TOM1: variants seen among roughly 807,000 people sequenced by gnomAD.
TOM1 encodes the protein target of myb1 membrane trafficking protein, also known as target of Myb protein 1.
TOM1 carries 38 observed loss-of-function variants against 61.3 expected under a neutral mutation model. That is an observed-to-expected ratio of 0.62 (90% CI 0.48 to 0.81). TOM1 has a LOEUF of 0.81. Ranked by LOEUF, TOM1 falls within the 40% of genes least tolerant of loss-of-function variation. TOM1 has a pLI of 0.00. For synonymous variants in TOM1, 270 were observed against 268.8 expected, an observed-to-expected ratio of 1.00 and a Z score of -0.04; for missense variants, 591 against 659.6, an observed-to-expected ratio of 0.90 and a Z score of 1.14.
intron 12 of TOM1, among the ~76,000 whole-genome samples, chr22:35,343,571 CCTA>C (rs1195733168): frequency 1.5e-5 from 2 of 137,256 alleles, no homozygotes; most frequent in Non-Finnish European, 3.1e-5. Context: ...ACACACCACA[CCTA>C]CACTCATACA....
At chr22:35,301,433 A>G (rs946875436) in intron 1 of TOM1, among the ~76,000 whole-genome samples, 1 of 152,174 alleles carries the variant, frequency 6.6e-6, no homozygotes, top group Non-Finnish European at 1.5e-5. Context: ...CACCAACACC[A>G]TGAGAACCGA....
intron 7 of TOM1, among the ~76,000 whole-genome samples, chr22:35,328,139 T>G (rs938398518): frequency 6.6e-6 from 1 of 152,192 alleles, no homozygotes. Flanking sequence ...CTCGCCACCG[T>G]GTCTGTGTGC....
At chr22:35,301,484 T>G (rs1429282973) in intron 1 of TOM1, among the ~76,000 whole-genome samples, 1 of 152,090 alleles carries the variant, frequency 6.6e-6, no homozygotes, top group African/African-American at 2.4e-5. Flanking sequence ...CGGAGGATGG[T>G]TTGGGTGTTC....
chr22:35,323,563 G>A lies in TOM1; in HGVS notation c.434G>A (p.Arg145Gln), dbSNP rs764578585. 4.3e-5 allele frequency: 70 copies of A among 1,613,990 alleles called. 1 individual carries two copies. The South Asian group carries it at 6.1e-4, about 14-fold the overall frequency. ...GTGGTCACCATCTATGAGGACCTGC[G>A]GAGGAAAGGCCTGGAGTTCCCCATG... ...TGVVTIYEDLRRKGLEFPMTD... is the reference protein window; with the variant it reads ...TGVVTIYEDLQRKGLEFPMTD... Residue 145 changes from arginine to glutamine, a missense_variant, in exon 5 of 15, where the codon CGG becomes CAG. Coordinates refer to ENST00000449058, the MANE Select transcript of TOM1 (RefSeq NM_005488.3). The surrounding 1 kb of genome is among the most constrained non-coding windows in gnomAD (Gnocchi z 4.2).
chr22:35,338,936 C>A, intron 12 of TOM1, 148 bp downstream of exon 12: 1 of 729,696 alleles, frequency 1.4e-6, no homozygotes, highest in Non-Finnish European at 2.1e-6. Flanking sequence ...TTCTTTTTGG[C>A]TAGTGTGGTT....
chr22:35,304,093 T>A (rs1053018018), intron 1 of TOM1, among the ~76,000 whole-genome samples: 7 of 152,180 alleles, frequency 4.6e-5, no homozygotes, highest in Non-Finnish European at 4.4e-5. Flanking sequence ...TTTTTCCCAT[T>A]TCACCAAAAG....
rs762755248 is a variant in TOM1, at chr22:35,323,460, T to C, written c.367-36T>C. The C allele has an allele frequency of 1.2e-6, 2 of 1,610,590 alleles. No homozygotes were observed. The highest frequency in any genetic ancestry group is 1.7e-6 in the Non-Finnish European group (2 of 1,178,284). On this transcript the variant is annotated intron_variant, in intron 4 of 14. Coordinates refer to ENST00000449058, the MANE Select transcript of TOM1 (RefSeq NM_005488.3). The surrounding 1 kb of genome is among the most constrained non-coding windows in gnomAD (Gnocchi z 4.2). The stretch of plus-strand genomic sequence containing the variant: ...CAGGTGGGCAGGCTCACAGGTGAGC[T>C]GTGGTTACCGGCTGTGTCCCCTTGT...
Position 35,307,526 on chromosome 22 carries a change from C to T in TOM1, c.52+7546C>T, listed in dbSNP as rs55677714. On this transcript the variant is annotated intron_variant, in intron 1 of 14. Transcript: ENST00000449058. ...AAGAGCTGGGTTCAGGTGCCAGCTC[C>T]GCCCCTTCCCGGCTGTGTCCCCCAG... Among the ~76,000 whole-genome samples the T allele has an allele frequency of 3.3e-3, 503 of 152,288 alleles. 2 individuals carry two copies. The highest frequency in any genetic ancestry group is 0.011 in the African/African-American group (459 of 41,552).
intron 1 of TOM1, among the ~76,000 whole-genome samples, chr22:35,303,143 C>CACACACACAT (rs1291007343): frequency 6.6e-6 from 1 of 151,826 alleles, no homozygotes; most frequent in Non-Finnish European, 1.5e-5. Flanking sequence ...CACACACACA[C>CACACACACAT]ACACACCCCT....
At chr22:35,328,112 G>A (rs1320610094) in intron 7 of TOM1, among the ~76,000 whole-genome samples, 1 of 152,202 alleles carries the variant, frequency 6.6e-6, no homozygotes, top group Non-Finnish European at 1.5e-5. Flanking sequence ...GCTCCTTGAG[G>A]GCAGCGCTGT....
At chr22:35,338,234 T>C (rs1929550752) in intron 11 of TOM1, among the ~76,000 whole-genome samples, 1 of 152,140 alleles carries the variant, frequency 6.6e-6, no homozygotes, top group African/African-American at 2.4e-5. Flanking sequence ...GAGTCATCTT[T>C]GTGCTGGTGA....
intron 8 of TOM1, 107 bp downstream of exon 8, chr22:35,330,587 C>A: frequency 8.6e-7 from 1 of 1,166,344 alleles, no homozygotes; most frequent in Non-Finnish European, 1.2e-6. Flanking sequence ...TCTCGTCCTC[C>A]TCTCAAACAC....
chr22:35,322,927 G>C, intron 3 of TOM1, 101 bp from the exon 4 acceptor site: 1 of 1,411,926 alleles, frequency 7.1e-7, no homozygotes, highest in Non-Finnish European at 9.6e-7. Context: ...CTCCTCTCCC[G>C]GGCCTCCTCT....
intron 7 of TOM1, among the ~76,000 whole-genome samples, chr22:35,329,979 A>G (rs1199930711): frequency 6.6e-6 from 1 of 150,446 alleles, no homozygotes; most frequent in African/African-American, 2.5e-5. Context: ...AGGCCCGTGC[A>G]TTAGAGATGG....
In TOM1 at chr22:35,338,750, G is replaced by T; in HGVS notation, c.1186G>T (p.Ala396Ser). ...AGCCCCCCAAGCAACAGACGGCCTGGCTGGAGCCCTGGACGCCCGGCAGCA... is the reference window on the plus strand; with the variant it reads ...AGCCCCCCAAGCAACAGACGGCCTGTCTGGAGCCCTGGACGCCCGGCAGCA... ...YEAPQATDGLAGALDARQQST... is the reference protein window; with the variant it reads ...YEAPQATDGLSGALDARQQST... The change falls in exon 12 of 15, where the codon GCT (alanine) becomes TCT (serine). Residue 396 changes from alanine (A) to serine (S), a missense_variant. By Grantham distance (99) the Ala-to-Ser change is moderately conservative. Transcript: ENST00000449058. 6.2e-7 allele frequency: 1 copy of T among 1,600,844 alleles called. No homozygotes were observed. The highest frequency in any genetic ancestry group is 2.3e-5 in the East Asian group (1 of 44,258).
At chr22:35,331,510 C>G (rs530660368) in intron 8 of TOM1, 64 of 324,366 alleles carry the variant, frequency 2.0e-4, no homozygotes, top group African/African-American at 1.3e-3. Flanking sequence ...GGGAGAGGGC[C>G]CTTTGATGGC....
Position 35,345,650 on chromosome 22 carries a change from C to T in TOM1, c.1225-75C>T, listed in dbSNP as rs1930438715. 3 of 1,510,320 alleles carry T rather than the reference C, an allele frequency of 2.0e-6. No individual in the cohort carries two copies. The Admixed American group carries it at 5.0e-5, about 25-fold the overall frequency. 93.6% of individuals were successfully genotyped at this position (1,510,320 alleles called of 1,614,324 possible). A position where few individuals can be genotyped will look rare whatever the true frequency, so the allele number is the denominator to read the frequency against. Reference sequence around the variant, plus strand: ...TGGGAGGCTGCCCAGGGCCACCCAGCTGCAGGGTGCTGAGCTGGCACGTCT... The same window carrying T: ...TGGGAGGCTGCCCAGGGCCACCCAGTTGCAGGGTGCTGAGCTGGCACGTCT... On this transcript the variant is annotated intron_variant, in intron 12 of 14. Coordinates refer to ENST00000449058, the MANE Select transcript of TOM1 (RefSeq NM_005488.3).
chr22:35,334,848 G>A (rs1289298507), intron 11 of TOM1, among the ~76,000 whole-genome samples: 2 of 124,510 alleles, frequency 1.6e-5, no homozygotes, highest in Non-Finnish European at 3.3e-5. Context: ...CCCCCTCCCT[G>A]CACTGTGTAC....
chr22:35,330,347 G>A lies in TOM1; in HGVS notation c.766G>A (p.Glu256Lys), dbSNP rs776365405. ...AEPADLELLQ[E>K]LNRTCRAMQQ... ...GTTGCCTCACTTCCTTTCCTGGCAG[G>A]AGCTCAACCGCACGTGCCGAGCCAT... is the stretch of plus-strand genomic sequence containing the variant. The change falls in exon 8 of 15, where the codon GAG becomes AAG. Residue 256 changes from glutamate (E) to lysine (K), a missense_variant and splice_region_variant. Physicochemically the swap from Glu to Lys is moderately conservative, Grantham distance 56. Coordinates refer to ENST00000449058, the MANE Select transcript of TOM1 (RefSeq NM_005488.3). 2 of 1,610,612 alleles carry A rather than the reference G, an allele frequency of 1.2e-6. No individual in the cohort carries two copies. Among genetic ancestry groups the A allele is most frequent in the South Asian group, 2.2e-5 (2 of 90,830 alleles).
Sources: allele counts gnomAD v4.1 joint callset (sites outside exome capture counted in the v4.1 genomes callset), GRCh38; gene constraint gnomAD v4.1.1; non-coding constraint Gnocchi (gnomAD v3.1); transcripts MANE v1.5; gene names NCBI Gene and HGNC (gene_info 2026-07-23, HGNC 2026-07-21).